The following AFG3L2 variants were observed in gnomAD, a reference collection of about 807,000 sequenced individuals.
AFG3L2 encodes AFG3 like matrix AAA peptidase subunit 2, also known as mitochondrial inner membrane m-AAA protease component AFG3L2.
A neutral mutation model predicts 94.5 loss-of-function variants in AFG3L2; 54 were observed. That is an observed-to-expected ratio of 0.57 (90% CI 0.46 to 0.72). The LOEUF (loss-of-function observed/expected upper bound fraction) is 0.72. Among genes scored for constraint, AFG3L2 ranks in the 30% least tolerant of loss-of-function variants. The probability of loss-of-function intolerance (pLI) is 0.00; values close to 1 mark genes in which losing one functional copy is unlikely to be tolerated. For synonymous variants in AFG3L2, 377 were observed against 365.5 expected, an observed-to-expected ratio of 1.03 and a Z score of -0.36; for missense variants, 754 against 994.9, an observed-to-expected ratio of 0.76 and a Z score of 3.26.
At chr18:12,356,924 T>G in intron 8 of AFG3L2, 93 bp from the exon 9 acceptor site, 4 of 1,259,302 alleles carry the variant, frequency 3.2e-6, no homozygotes, top group Non-Finnish European at 4.5e-6. Context: ...ACTCTGTCTC[T>G]AAATCTTATT....
intron 1 of AFG3L2, among the ~76,000 whole-genome samples, chr18:12,375,895 G>A (rs943709997): frequency 6.6e-6 from 1 of 152,150 alleles, no homozygotes; most frequent in East Asian, 1.9e-4. Flanking sequence ...AGGCTGAGGC[G>A]GGAGGATCGC....
At chr18:12,352,779 A>C (rs941806908) in intron 10 of AFG3L2, among the ~76,000 whole-genome samples, 1 of 151,718 alleles carries the variant, frequency 6.6e-6, no homozygotes, top group Non-Finnish European at 1.5e-5. Context: ...TTTGTTTGTG[A>C]TACTCAATAT....
At chr18:12,373,134 A>T (rs548008328) in intron 1 of AFG3L2, among the ~76,000 whole-genome samples, 60 of 152,376 alleles carry the variant, frequency 3.9e-4, no homozygotes, top group Non-Finnish European at 6.9e-4. Flanking sequence ...CAGGAACACC[A>T]ACACTGTTTT....
intron 1 of AFG3L2, among the ~76,000 whole-genome samples, chr18:12,376,132 C>T (rs749635146): frequency 4.5e-4 from 69 of 152,214 alleles, no homozygotes; most frequent in Admixed American, 2.6e-4. Context: ...TAGCCTATCT[C>T]CCCTTACAGT....
At chr18:12,365,265 CAGG>C (rs898606322) in intron 5 of AFG3L2, among the ~76,000 whole-genome samples, 44 of 152,260 alleles carry the variant, frequency 2.9e-4, no homozygotes, top group Non-Finnish European at 1.5e-5. Flanking sequence ...GCCAGAGGGT[CAGG>C]AGGAGCTGCA....
At chr18:12,340,169 TGAG>T (rs752188604) in intron 15 of AFG3L2, 29 bp downstream of exon 15, 7 of 1,568,844 alleles carry the variant, frequency 4.5e-6, no homozygotes, top group African/African-American at 1.4e-5. Context: ...TATGAATACA[TGAG>T]GAGGAAATGC....
intron 2 of AFG3L2, 144 bp from the exon 3 acceptor site, chr18:12,371,070 T>C (rs1908973214): frequency 1.8e-6 from 1 of 546,712 alleles, no homozygotes; most frequent in African/African-American, 1.9e-5. Context: ...CCCAGCACTT[T>C]GGGAGGCTGA....
intron 7 of AFG3L2, 43 bp from the exon 8 acceptor site, chr18:12,358,986 C>T (rs754115814): frequency 6.3e-7 from 1 of 1,585,654 alleles, no homozygotes; most frequent in Middle Eastern, 1.7e-4. Flanking sequence ...TGGCTGCTCA[C>T]CTCCAGCTTT....
chr18:12,329,577 T>A lies in AFG3L2; in HGVS notation c.2382A>T (p.Lys794Asn). Residue 794 changes from lysine to asparagine, a missense_variant, in exon 17 of 17, where the codon AAA becomes AAT. By Grantham distance (94) the Lys-to-Asn change is moderately conservative. Around this residue, in one of 4 missense-constraint regions of AFG3L2, gnomAD observed 279 missense variants for 378.6 expected, o/e 0.74. Coordinates refer to ENST00000269143, the MANE Select transcript of AFG3L2 (RefSeq NM_006796.3). ...TCCCTCTGGGCCTCTAGTTGGCAAC[T>A]TTCTCACCCGGGGGCTCCTCTTTCT... ...EKEKEEPPGE[K>N]VAN The A allele has an allele frequency of 6.2e-7, 1 of 1,613,948 alleles. No homozygotes were observed. The highest frequency in any genetic ancestry group is 8.5e-7 in the Non-Finnish European group (1 of 1,180,044).
intron 3 of AFG3L2, among the ~76,000 whole-genome samples, chr18:12,369,047 G>A (rs1034087778): frequency 8.6e-5 from 13 of 152,032 alleles, no homozygotes; most frequent in African/African-American, 3.1e-4. Context: ...CATACGAGGG[G>A]CTTCTGCACC....
At chr18:12,351,815 G>A (rs1366809338) in intron 10 of AFG3L2, among the ~76,000 whole-genome samples, 4 of 152,084 alleles carry the variant, frequency 2.6e-5, no homozygotes, top group Non-Finnish European at 5.9e-5. Context: ...CCAAAGTGCT[G>A]GGATTACAGG....
chr18:12,371,228 C>T (rs902140683), intron 2 of AFG3L2, among the ~76,000 whole-genome samples: 3 of 151,478 alleles, frequency 2.0e-5, no homozygotes, highest in South Asian at 2.1e-4. Context: ...GCAGGAGAAT[C>T]GCTTGAACCC....
chr18:12,371,466 T>C (rs760980980), intron 2 of AFG3L2, 126 bp downstream of exon 2: 16 of 770,930 alleles, frequency 2.1e-5, no homozygotes, highest in Non-Finnish European at 2.5e-5. Context: ...ATGTGTTACA[T>C]TTGAAGATGA....
chr18:12,355,015 C>T (rs1208410456), intron 9 of AFG3L2, among the ~76,000 whole-genome samples: 2 of 152,034 alleles, frequency 1.3e-5, no homozygotes, highest in Non-Finnish European at 2.9e-5. Flanking sequence ...GTGAGGAGTT[C>T]AATACCAGCC....
In AFG3L2 at chr18:12,348,343, A is replaced by G. The variant is rs1451341234; in HGVS notation, c.1593T>C (p.Ile531=). 1 of 1,614,214 alleles carries G rather than the reference A, an allele frequency of 6.2e-7. No individual in the cohort carries two copies. ...VANVCNEAAL[I]AARHLSDSIN... ...TGGAATCTGACAGATGCCTTGCAGC[A>G]ATCAACGCAGCTTCATTACAGACAT... The change falls in exon 13 of 17, where the codon ATT becomes ATC. Residue 531 remains isoleucine, a synonymous_variant. Transcript: ENST00000269143.
At chr18:12,354,215 C>T (rs1908420964) in intron 9 of AFG3L2, among the ~76,000 whole-genome samples, 1 of 147,846 alleles carries the variant, frequency 6.8e-6, no homozygotes, top group African/African-American at 2.5e-5. Flanking sequence ...CTGCTCTGAA[C>T]ACATCCCCTA....
chr18:12,371,556 G>C, intron 2 of AFG3L2, 36 bp downstream of exon 2: 1 of 1,575,940 alleles, frequency 6.3e-7, no homozygotes, highest in African/African-American at 1.3e-5. Flanking sequence ...CCCAACCTAA[G>C]AATGTAGAAC....
chr18:12,341,288 G>A (rs1236063763), intron 14 of AFG3L2: 1 of 152,132 alleles, frequency 6.6e-6, no homozygotes. Context: ...TCAGTTTATT[G>A]AGAGATGACA....
intron 8 of AFG3L2, 83 bp from the exon 9 acceptor site, chr18:12,356,914 ACT>A (rs927764624): frequency 5.9e-6 from 8 of 1,365,040 alleles, no homozygotes; most frequent in Admixed American, 3.9e-5. Context: ...ACAAGATATA[ACT>A]CTGTCTCTAA....
Sources: gnomAD v4.1 joint callset for allele counts (sites outside exome capture counted in the v4.1 genomes callset) on GRCh38, gnomAD v4.1.1 for gene constraint, gnomAD v4.1.1 regional missense constraint, MANE v1.5 for transcripts, NCBI Gene and HGNC (gene_info 2026-07-23, HGNC 2026-07-21) for gene names.